PACRG: variants seen among roughly 807,000 people sequenced by gnomAD.
PACRG encodes parkin coregulated gene protein.
PACRG carries 29 observed loss-of-function variants against 29.7 expected under a neutral mutation model. The ratio of observed to expected loss-of-function variants is 0.98; its 90% CI spans 0.73 to 1.33. The LOEUF is 1.33. Ranked by LOEUF, PACRG falls within the 40% of genes most tolerant of loss-of-function variation. The probability of loss-of-function intolerance (pLI) is 0.00; values close to 1 mark genes in which losing one functional copy is unlikely to be tolerated. For synonymous variants in PACRG, 116 were observed against 118.7 expected, an observed-to-expected ratio of 0.98 and a Z score of 0.15; for missense variants, 279 against 316.2, an observed-to-expected ratio of 0.88 and a Z score of 0.89.
At chr6:162,958,713 A>C (rs1459912209) in intron 2 of PACRG, among the ~76,000 whole-genome samples, 1 of 150,034 alleles carries the variant, frequency 6.7e-6, no homozygotes, top group Non-Finnish European at 1.5e-5. Context: ...GGAGGCAGAC[A>C]ATAAAAATGG....
intron 1 of PACRG, among the ~76,000 whole-genome samples, chr6:162,785,021 G>C (rs563565274): frequency 2.4e-4 from 37 of 152,188 alleles, no homozygotes; most frequent in African/African-American, 6.0e-4. Context: ...AGCTACAAAG[G>C]CCCAATGAAA....
chr6:162,981,132 C>T (rs940570734), intron 2 of PACRG, among the ~76,000 whole-genome samples: 3 of 151,826 alleles, frequency 2.0e-5, no homozygotes, highest in South Asian at 4.1e-4. Flanking sequence ...TGATAACATA[C>T]GATGTTTGGT....
chr6:163,141,440 A>G (rs577957), intron 4 of PACRG, among the ~76,000 whole-genome samples: 37,751 of 115,160 alleles, frequency 0.33, 5,085 homozygotes, highest in African/African-American at 0.48. Flanking sequence ...TTTGTAATGT[A>G]TGTGTTTTTT....
chr6:162,998,719 T>C (rs1004678485), intron 2 of PACRG, among the ~76,000 whole-genome samples: 1 of 152,238 alleles, frequency 6.6e-6, no homozygotes, highest in African/African-American at 2.4e-5. Context: ...AGAAGCATGC[T>C]TAGAAAGATC....
chr6:162,762,361 AAACAT>A (rs1332026004), intron 1 of PACRG, among the ~76,000 whole-genome samples: 1 of 152,218 alleles, frequency 6.6e-6, no homozygotes, highest in Non-Finnish European at 1.5e-5. Context: ...TCTGTGGAAC[AAACAT>A]TGGGAATTGA....
At chr6:162,937,736 TG>T (rs759326366) in intron 2 of PACRG, among the ~76,000 whole-genome samples, 1 of 152,172 alleles carries the variant, frequency 6.6e-6, no homozygotes, top group Non-Finnish European at 1.5e-5. Context: ...TAGTGTAATG[TG>T]GTAGCATCCC....
At chr6:163,254,391 G>T (rs74731247) in intron 4 of PACRG, among the ~76,000 whole-genome samples, 3 of 152,154 alleles carry the variant, frequency 2.0e-5, no homozygotes, top group Non-Finnish European at 2.9e-5. Context: ...TAAAAAACAT[G>T]AGGCCCCATT....
intron 4 of PACRG, among the ~76,000 whole-genome samples, chr6:163,168,768 C>A (rs1778936330): frequency 6.6e-6 from 1 of 152,176 alleles, no homozygotes; most frequent in Admixed American, 6.5e-5. Flanking sequence ...ATCATCTACA[C>A]TGAATATTTT....
chr6:163,295,756 A>T (rs972425492), intron 4 of PACRG, among the ~76,000 whole-genome samples: 7 of 152,200 alleles, frequency 4.6e-5, no homozygotes, highest in Non-Finnish European at 7.3e-5. Flanking sequence ...TACCCTATTT[A>T]ACCTTCACAG....
At chr6:162,859,994 T>C (rs1791722654) in intron 2 of PACRG, among the ~76,000 whole-genome samples, 1 of 151,504 alleles carries the variant, frequency 6.6e-6, no homozygotes, top group Non-Finnish European at 1.5e-5. Context: ...GTATTATTTT[T>C]TCTCCCCTAC....
intron 1 of PACRG, among the ~76,000 whole-genome samples, chr6:162,803,421 A>G (rs974452966): frequency 5.4e-4 from 82 of 152,282 alleles, no homozygotes; most frequent in African/African-American, 1.9e-3. Flanking sequence ...TCATTGATGG[A>G]TTTTAAGTAG....
intron 2 of PACRG, among the ~76,000 whole-genome samples, chr6:162,924,835 A>C (rs1797315318): frequency 6.6e-6 from 1 of 152,174 alleles, no homozygotes. Flanking sequence ...TGAAGGAGAT[A>C]GAGATACGAA....
intron 2 of PACRG, among the ~76,000 whole-genome samples, chr6:162,837,047 C>T (rs1789288118): frequency 6.6e-6 from 1 of 151,804 alleles, no homozygotes; most frequent in African/African-American, 2.4e-5. Context: ...AATGGTTGAC[C>T]TGATTCAGAG....
intron 4 of PACRG, among the ~76,000 whole-genome samples, chr6:163,226,408 A>G (rs1781799437): frequency 6.6e-6 from 1 of 152,266 alleles, no homozygotes; most frequent in Non-Finnish European, 1.5e-5. Flanking sequence ...AATAAGCTTG[A>G]TGTAATCATC....
At chr6:162,947,310 TAATC>T (rs1799103897) in intron 2 of PACRG, among the ~76,000 whole-genome samples, 1 of 96,976 alleles carries the variant, frequency 1.0e-5, no homozygotes, top group African/African-American at 3.9e-5. Context: ...ATAATATATA[TAATC>T]ATATATAATA....
chr6:163,226,261 A>C (rs1197007754), intron 4 of PACRG, among the ~76,000 whole-genome samples: 1 of 152,208 alleles, frequency 6.6e-6, no homozygotes, highest in Non-Finnish European at 1.5e-5. Context: ...ATGAGACAGG[A>C]TGAATGAGTT....
At chr6:162,911,405 A>C (rs1796293196) in intron 2 of PACRG, among the ~76,000 whole-genome samples, 1 of 152,232 alleles carries the variant, frequency 6.6e-6, no homozygotes, top group Admixed American at 6.5e-5. Flanking sequence ...CTATTACCAA[A>C]AATAAATGCA....
In PACRG at chr6:162,861,693, C is replaced by T. The variant is rs144940384; in HGVS notation, c.291+47412C>T. 2.3e-3 allele frequency among the ~76,000 whole-genome samples: 353 copies of T among 152,258 alleles called. 2 individuals are homozygous for T. The highest frequency in any genetic ancestry group is 7.6e-3 in the African/African-American group (315 of 41,554). ...TTATACACATCTATTTCCATCGCAT[C>T]GTGGAGATGCAGAGGTGCTGGCAGA... On this transcript the variant is annotated intron_variant, in intron 2 of 4. Transcript: ENST00000366888.
intron 2 of PACRG, among the ~76,000 whole-genome samples, chr6:162,851,114 TC>T (rs1400223803): frequency 6.6e-6 from 1 of 152,214 alleles, no homozygotes; most frequent in African/African-American, 2.4e-5. Context: ...CTTTGATTTT[TC>T]CCTAACAAGG....
Sources: gnomAD v4.1 joint callset for allele counts (sites outside exome capture counted in the v4.1 genomes callset) on GRCh38, gnomAD v4.1.1 for gene constraint, MANE v1.5 for transcripts, NCBI Gene and HGNC (gene_info 2026-07-23, HGNC 2026-07-21) for gene names.